The following ZNF717 variants were observed in gnomAD, a reference collection of about 807,000 sequenced individuals.
The protein encoded by ZNF717 is zinc finger protein 717, also known as krueppel-like factor X17.
A neutral mutation model predicts 13.8 loss-of-function variants in ZNF717; 9 were observed. The observed-to-expected ratio is 0.65, with a 90% CI of 0.39 to 1.14. The LOEUF (loss-of-function observed/expected upper bound fraction) is 1.14, where lower values mean the gene tolerates loss of function less well. ZNF717 is among the 50% of genes most tolerant of loss of function. The pLI, the probability that ZNF717 is intolerant of heterozygous loss-of-function variation, is 0.01. For synonymous variants in ZNF717, 327 were observed against 364.1 expected, an observed-to-expected ratio of 0.90 and a Z score of 1.16; for missense variants, 1,040 against 1,080.7, an observed-to-expected ratio of 0.96 and a Z score of 0.53.
downstream of ZNF717, chr3:75,732,044 ATAT>A: frequency 1.4e-6 from 1 of 702,818 alleles, no homozygotes; most frequent in South Asian, 1.5e-5. Flanking sequence ...AGGGAGCATA[ATAT>A]TGTAAAATTT....
In ZNF717 at chr3:75,737,745, T is replaced by C; in HGVS notation, c.1878A>G (p.Lys626=). 1 of 1,438,248 alleles carries C rather than the reference T, an allele frequency of 7.0e-7. No homozygotes were observed. The highest frequency in any genetic ancestry group is 9.2e-7 in the Non-Finnish European group (1 of 1,089,340). The allele number at this position is 1,438,248 out of a possible 1,614,324, so 89.1% of individuals were successfully genotyped here. The change falls in exon 5 of 5, where the codon AAA becomes AAG. Residue 626 remains lysine (K), a synonymous_variant. Transcript: ENST00000652011. ...ERPYECNECG[K]TFRQKSNLST... The stretch of plus-strand genomic sequence containing the variant: ...TGAGATTTGACTTCTGACGAAAGGT[T>C]TTTCCACATTCATTACATTCATAGG...
intron 2 of ZNF717, among the ~76,000 whole-genome samples, chr3:75,747,696 T>C (rs1941311097): frequency 1.3e-5 from 2 of 152,176 alleles, no homozygotes; most frequent in African/African-American, 4.8e-5. Context: ...CTTGTGATTT[T>C]TGTACATTGA....
intron 6 of ZNF717, among the ~76,000 whole-genome samples, chr3:75,702,373 A>T (rs1206109673): frequency 2.0e-5 from 3 of 152,310 alleles, no homozygotes; most frequent in Non-Finnish European, 4.4e-5. Flanking sequence ...AGGCACAGAA[A>T]GACAAATGTG....
downstream of ZNF717, among the ~76,000 whole-genome samples, chr3:75,729,121 C>A (rs75997473): frequency 4.3e-5 from 1 of 23,318 alleles, no homozygotes; most frequent in African/African-American, 1.6e-4. Flanking sequence ...CATAGACAAA[C>A]AGGGAGGGTG....
chr3:75,746,960 T>C (rs1217856554), intron 2 of ZNF717, among the ~76,000 whole-genome samples: 3 of 152,296 alleles, frequency 2.0e-5, no homozygotes, highest in Admixed American at 2.0e-4. Flanking sequence ...TTGAATGGTA[T>C]TGACTAGGTT....
chr3:75,708,906 G>A (rs3009076), downstream of ZNF717, among the ~76,000 whole-genome samples: 62,692 of 151,586 alleles, frequency 0.41, 13,322 homozygotes, highest in South Asian at 0.6. Context: ...ATTTATTCAT[G>A]GCAGAATTTG....
At chr3:75,783,807 T>C (rs1559703357) in intron 1 of ZNF717, among the ~76,000 whole-genome samples, 2 of 152,264 alleles carry the variant, frequency 1.3e-5, no homozygotes, top group South Asian at 2.1e-4. Flanking sequence ...TGCTTTTCTA[T>C]ACCTGAACAT....
chr3:75,703,669 G>A (rs1447621343), intron 6 of ZNF717, among the ~76,000 whole-genome samples: 1 of 152,246 alleles, frequency 6.6e-6, no homozygotes, highest in Non-Finnish European at 1.5e-5. Context: ...AATCTTTGAG[G>A]ACTAATTTTA....
At chr3:75,700,679 C>A (rs1405397198) in intron 6 of ZNF717, among the ~76,000 whole-genome samples, 2 of 138 alleles carry the variant, frequency 0.014, no homozygotes, top group Non-Finnish European at 0.045. Flanking sequence ...CAAGAACATA[C>A]AATAAAAAAT....
chr3:75,752,637 G>GT (rs1329375830), intron 2 of ZNF717, among the ~76,000 whole-genome samples: 2 of 140,928 alleles, frequency 1.4e-5, no homozygotes, highest in African/African-American at 2.7e-5. Flanking sequence ...TGGTCTTAAT[G>GT]TTTTTTAATC....
chr3:75,733,813 T>A (rs2106939728), downstream of ZNF717, among the ~76,000 whole-genome samples: 3 of 128,892 alleles, frequency 2.3e-5, no homozygotes, highest in African/African-American at 3.2e-5. Context: ...ACATTCAACA[T>A]CTCAGAACCA....
chr3:75,700,346 T>A (rs1937665850), intron 6 of ZNF717, among the ~76,000 whole-genome samples: 1 of 151,020 alleles, frequency 6.6e-6, no homozygotes. Flanking sequence ...TGAGCCAAGA[T>A]CACATCACTG....
chr3:75,784,910 A>G (rs1945056061), intron 1 of ZNF717: 1 of 152,162 alleles, frequency 6.6e-6, no homozygotes, highest in South Asian at 2.1e-4. Context: ...TTAAGACTGA[A>G]GTACCCTTAA....
At chr3:75,709,258 C>G (rs1317623384), downstream of ZNF717, among the ~76,000 whole-genome samples, 1 of 152,048 alleles carries the variant, frequency 6.6e-6, no homozygotes, top group African/African-American at 2.4e-5. Flanking sequence ...ACTCAGCCTC[C>G]CCAAGTGCTG....
At chr3:75,775,350 T>C (rs1473482473) in intron 2 of ZNF717, among the ~76,000 whole-genome samples, 1 of 152,256 alleles carries the variant, frequency 6.6e-6, no homozygotes, top group East Asian at 1.9e-4. Context: ...TTAAAGTCAT[T>C]TCCACAGTTA....
intron 4 of ZNF717, among the ~76,000 whole-genome samples, chr3:75,723,285 T>C (rs1938204803): frequency 6.9e-6 from 1 of 145,780 alleles, no homozygotes; most frequent in East Asian, 2.0e-4. Flanking sequence ...GCTCTTGCTC[T>C]GTTGCCCAGG....
intron 5 of ZNF717, among the ~76,000 whole-genome samples, chr3:75,714,810 T>C (rs1260146549): frequency 2.6e-5 from 4 of 152,232 alleles, no homozygotes; most frequent in African/African-American, 9.6e-5. Context: ...AGGTTAATTA[T>C]TGTATATTTC....
intron 2 of ZNF717, among the ~76,000 whole-genome samples, chr3:75,777,454 A>C (rs1339547664): frequency 6.6e-6 from 1 of 152,180 alleles, no homozygotes; most frequent in Non-Finnish European, 1.5e-5. Flanking sequence ...CCAGAAACCC[A>C]AAACAATGGG....
Position 75,741,275 on chromosome 3 carries a change from C to T in ZNF717, c.277+1G>A, listed in dbSNP as rs1940390700. ...TCCCTGCCTGGTATTCACTGACTGA[C>T]CTGAAAGTCTCAGGTTTGGGGTTTC... On this transcript the variant is annotated splice_donor_variant, in intron 4 of 4. Coordinates refer to ENST00000652011, the MANE Select transcript of ZNF717 (RefSeq NM_001290208.3). LOFTEE classifies it high-confidence loss of function. 6 of 1,538,492 alleles carry T rather than the reference C, an allele frequency of 3.9e-6. No homozygotes were observed. The highest frequency in any genetic ancestry group is 5.3e-6 in the Non-Finnish European group (6 of 1,135,318).
Sources: allele counts gnomAD v4.1 joint callset (sites outside exome capture counted in the v4.1 genomes callset), GRCh38; gene constraint gnomAD v4.1.1; transcripts MANE v1.5; gene names NCBI Gene and HGNC (gene_info 2026-07-23, HGNC 2026-07-21).